Variants in NXPE2 observed in about 807,000 individuals in gnomAD.
The protein encoded by NXPE2 is neurexophilin and PC-esterase domain family member 2, also known as NXPE family member 2.
Under a neutral mutation model 34.4 loss-of-function variants are expected in NXPE2, and 34 were observed. The ratio of observed to expected loss-of-function variants is 0.99; its 90% CI spans 0.75 to 1.31. The LOEUF (loss-of-function observed/expected upper bound fraction) is 1.31. NXPE2 is among the 40% of genes most tolerant of loss of function. NXPE2 has a pLI of 0.00. For synonymous variants in NXPE2, 235 were observed against 231.3 expected, an observed-to-expected ratio of 1.02 and a Z score of -0.15; for missense variants, 649 against 672.5, an observed-to-expected ratio of 0.97 and a Z score of 0.39.
the NXPE2 span, among the ~76,000 whole-genome samples, chr11:114,515,773 TAGAGCA>T: frequency 1.8e-5 from 2 of 109,860 alleles, no homozygotes; most frequent in Admixed American, 9.1e-5. Context: ...CTTTCTGAAG[TAGAGCA>T]ATTCAGGTGA....
chr11:114,631,613 T>G, the NXPE2 span, among the ~76,000 whole-genome samples: 3 of 151,874 alleles, frequency 2.0e-5, no homozygotes, highest in Admixed American at 1.3e-4. Flanking sequence ...GCATGGCACA[T>G]GTATACATAT....
the NXPE2 span, among the ~76,000 whole-genome samples, chr11:114,726,706 G>A: frequency 5.1e-3 from 776 of 152,050 alleles, 30 homozygotes; most frequent in East Asian, 6.8e-3. Flanking sequence ...GAGGAACAAG[G>A]CCACTCTTTC....
chr11:114,519,075 AG>A, the NXPE2 span, among the ~76,000 whole-genome samples: 34 of 152,222 alleles, frequency 2.2e-4, no homozygotes, highest in Admixed American at 8.5e-4. Context: ...CAGAATGTCT[AG>A]GCATAATGTG....
the NXPE2 span, among the ~76,000 whole-genome samples, chr11:114,509,865 A>C: frequency 6.6e-6 from 1 of 151,974 alleles, no homozygotes. Context: ...TGTACAACAA[A>C]CTCCCATGAC....
At chr11:114,502,552 T>TA in the NXPE2 span, among the ~76,000 whole-genome samples, 1 of 152,226 alleles carries the variant, frequency 6.6e-6, no homozygotes, top group Admixed American at 6.5e-5. Flanking sequence ...TATTTGCTAT[T>TA]TTAATGACTA....
chr11:114,777,203 A>C, the NXPE2 span, among the ~76,000 whole-genome samples: 1 of 152,216 alleles, frequency 6.6e-6, no homozygotes, highest in Non-Finnish European at 1.5e-5. Context: ...TTGAAACTGT[A>C]AACTACTTTG....
At chr11:114,528,402 C>CT in the NXPE2 span, among the ~76,000 whole-genome samples, 1 of 152,166 alleles carries the variant, frequency 6.6e-6, no homozygotes, top group Non-Finnish European at 1.5e-5. Flanking sequence ...GGAATCCAGC[C>CT]TTTTTGGGTG....
chr11:114,614,258 T>G, the NXPE2 span, among the ~76,000 whole-genome samples: 4 of 151,484 alleles, frequency 2.6e-5, no homozygotes, highest in Non-Finnish European at 5.9e-5. Flanking sequence ...CTGTGGATAG[T>G]AAGTATTGCT....
the NXPE2 span, among the ~76,000 whole-genome samples, chr11:114,715,939 C>G: frequency 6.6e-6 from 1 of 152,230 alleles, no homozygotes; most frequent in East Asian, 1.9e-4. Flanking sequence ...AGCTTCTAAC[C>G]GATCAAACCA....
In NXPE2 at chr11:114,706,298, G is replaced by C; in HGVS notation, c.1145-97G>C. On this transcript the variant is annotated intron_variant, in intron 5 of 5. Transcript: ENST00000389586. Reference sequence around the variant, plus strand: ...TTACATAGGCAATAGTGCTTAGTTAGAAGTGATCTTGGTTAGAATTTTATA... The same window carrying C: ...TTACATAGGCAATAGTGCTTAGTTACAAGTGATCTTGGTTAGAATTTTATA... The C allele has an allele frequency of 8.6e-6, 9 of 1,050,484 alleles. No individual in the cohort carries two copies. The South Asian group carries it at 1.6e-4, about 19-fold the overall frequency. 65.1% of individuals were successfully genotyped at this position (1,050,484 alleles called of 1,614,324 possible).
At chr11:114,686,871 G>A (rs1951057002) in intron 2 of NXPE2, among the ~76,000 whole-genome samples, 1 of 152,096 alleles carries the variant, frequency 6.6e-6, no homozygotes, top group Admixed American at 6.6e-5. Flanking sequence ...AATTACTAGT[G>A]ATGTTGAGCA....
At chr11:114,755,726 C>T in the NXPE2 span, among the ~76,000 whole-genome samples, 1 of 126,590 alleles carries the variant, frequency 7.9e-6, no homozygotes, top group African/African-American at 2.9e-5. Flanking sequence ...CTCTGTCTAT[C>T]TCTTCACCCA....
At chr11:114,630,854 G>A in the NXPE2 span, among the ~76,000 whole-genome samples, 1 of 151,630 alleles carries the variant, frequency 6.6e-6, no homozygotes, top group Non-Finnish European at 1.5e-5. Context: ...CCATCAAAAA[G>A]TGGGCAAAGG....
chr11:114,644,836 A>C, the NXPE2 span, among the ~76,000 whole-genome samples: 2 of 151,986 alleles, frequency 1.3e-5, no homozygotes, highest in Non-Finnish European at 2.9e-5. Flanking sequence ...AAAAAAAAAA[A>C]CTGTAATTAA....
chr11:114,802,818 C>T, the NXPE2 span, among the ~76,000 whole-genome samples: 2 of 151,924 alleles, frequency 1.3e-5, no homozygotes, highest in Non-Finnish European at 1.5e-5. Flanking sequence ...TAAATAAATA[C>T]ACTTTTGCTT....
chr11:114,515,193 T>C, the NXPE2 span, among the ~76,000 whole-genome samples: 1 of 146,392 alleles, frequency 6.8e-6, no homozygotes, highest in Non-Finnish European at 1.5e-5. Flanking sequence ...TAGTCTTTTA[T>C]TTTTTTTTAA....
the NXPE2 span, among the ~76,000 whole-genome samples, chr11:114,581,010 T>C: frequency 1.3e-5 from 2 of 152,168 alleles, no homozygotes; most frequent in Non-Finnish European, 2.9e-5. Flanking sequence ...GTGGGATGAG[T>C]GTACTCATGT....
At chr11:114,727,266 G>A in the NXPE2 span, among the ~76,000 whole-genome samples, 1 of 152,054 alleles carries the variant, frequency 6.6e-6, no homozygotes, top group Non-Finnish European at 1.5e-5. Flanking sequence ...AGCATGGTCA[G>A]GTTTTGGTGA....
the NXPE2 span, among the ~76,000 whole-genome samples, chr11:114,778,686 T>A: frequency 0.96 from 146,398 of 152,232 alleles, 70,668 homozygotes; most frequent in Middle Eastern, 1. Flanking sequence ...GGAAGGTGAC[T>A]TGACAGGGTC....
Sources: gnomAD v4.1 joint callset for allele counts (sites outside exome capture counted in the v4.1 genomes callset) on GRCh38, gnomAD v4.1.1 for gene constraint, MANE v1.5 for transcripts, NCBI Gene and HGNC (gene_info 2026-07-23, HGNC 2026-07-21) for gene names.